SEMA6D: variants seen among roughly 807,000 people sequenced by gnomAD.
SEMA6D encodes semaphorin-6D.
A neutral mutation model predicts 106.6 loss-of-function variants in SEMA6D; 35 were observed. The observed-to-expected ratio is 0.33, with a 90% confidence interval of 0.25 to 0.44. SEMA6D has a LOEUF of 0.44. Among genes scored for constraint, SEMA6D ranks in the 20% least tolerant of loss-of-function variants. The pLI is 1.00. For missense variants in SEMA6D, 1,185 were observed against 1,345.9 expected, an observed-to-expected ratio of 0.88 and a Z score of 1.87; for synonymous variants, 499 against 487.7, an observed-to-expected ratio of 1.02 and a Z score of -0.31.
chr15:47,534,358 T>A (rs551721141), intron 3 of SEMA6D, among the ~76,000 whole-genome samples: 2 of 151,844 alleles, frequency 1.3e-5, no homozygotes, highest in Non-Finnish European at 2.9e-5. Flanking sequence ...TTTTTTTATA[T>A]GTTTAGTAGA....
intron 1 of SEMA6D, among the ~76,000 whole-genome samples, chr15:47,384,820 T>TTTTTTTG (rs2039766038): frequency 1.3e-5 from 1 of 76,786 alleles, no homozygotes; most frequent in Non-Finnish European, 2.5e-5. Context: ...TAAAGTTTTT[T>TTTTTTTG]TTTTTTTTTT....
chr15:47,577,989 G>T (rs1865647), intron 3 of SEMA6D, among the ~76,000 whole-genome samples: 111,528 of 152,200 alleles, frequency 0.73, 41,377 homozygotes, highest in African/African-American at 0.84. Flanking sequence ...AATTTGTGGA[G>T]ACCTTTATAG....
At chr15:47,308,096 G>A (rs184775062) in intron 1 of SEMA6D, among the ~76,000 whole-genome samples, 8 of 151,432 alleles carry the variant, frequency 5.3e-5, no homozygotes, top group Admixed American at 6.6e-5. Flanking sequence ...GTACATTTCA[G>A]GGTATATTTT....
At chr15:47,199,233 G>A (rs1436232674) in intron 1 of SEMA6D, among the ~76,000 whole-genome samples, 2 of 152,162 alleles carry the variant, frequency 1.3e-5, no homozygotes, top group Non-Finnish European at 2.9e-5. Context: ...TTATATTAAG[G>A]TGCAGAAGAA....
At chr15:47,275,859 G>C (rs8041852) in intron 1 of SEMA6D, among the ~76,000 whole-genome samples, 3,338 of 152,202 alleles carry the variant, frequency 0.022, 123 homozygotes, top group African/African-American at 0.076. Context: ...CGAAAGCAAG[G>C]CCTCTTGTAC....
intron 1 of SEMA6D, among the ~76,000 whole-genome samples, chr15:47,318,458 C>G (rs1283731335): frequency 7.2e-6 from 1 of 139,452 alleles, no homozygotes; most frequent in Non-Finnish European, 1.5e-5. Context: ...TGATGTTCCC[C>G]TTCGTGTGTC....
intron 15 of SEMA6D, 30 bp from the exon 16 acceptor site, chr15:47,766,586 C>A (rs762793507): frequency 1.2e-6 from 2 of 1,610,612 alleles, no homozygotes; most frequent in South Asian, 2.2e-5. Flanking sequence ...GGCTGTTAAC[C>A]GAAGACTTCT....
chr15:47,218,392 A>T (rs370238864), intron 1 of SEMA6D, among the ~76,000 whole-genome samples: 1 of 152,036 alleles, frequency 6.6e-6, no homozygotes, highest in East Asian at 1.9e-4. Context: ...CAACCCTATT[A>T]TGGGTTGAAT....
chr15:47,767,486 A>G lies in SEMA6D; in HGVS notation c.1765+393A>G, dbSNP rs1308553640. On this transcript the variant is annotated intron_variant, in intron 17 of 18. Coordinates refer to ENST00000536845, the MANE Select transcript of SEMA6D (RefSeq NM_001358351.3). ...CTCCTCACCTTTCCTATGACCTAGTAAACAAATACACATTTCCCATAAATG... is the reference window on the plus strand; with the variant it reads ...CTCCTCACCTTTCCTATGACCTAGTGAACAAATACACATTTCCCATAAATG... 3 of 158,506 alleles carry G rather than the reference A, an allele frequency of 1.9e-5. No homozygotes were observed. In the East Asian group the frequency reaches 5.4e-4, roughly 28 times the overall value. The allele number at this position is 158,506 out of a possible 1,614,324, so 9.8% of individuals were successfully genotyped here.
At position 47,770,997 on chromosome 15, in the gene SEMA6D, A is replaced by G. The variant is rs1483806899; in HGVS notation, c.2434A>G (p.Ser812Gly). 1.2e-6 allele frequency: 2 copies of G among 1,614,116 alleles called. No individual in the cohort carries two copies. Residue 812 changes from serine (S) to glycine (G), a missense_variant, in exon 19 of 19, where the codon AGT becomes GGT. Around this residue, in one of 3 missense-constraint regions of SEMA6D, gnomAD observed 750 missense variants for 783.5 expected, o/e 0.96. Coordinates refer to ENST00000536845, the MANE Select transcript of SEMA6D (RefSeq NM_001358351.3). ...RKETPQFFPSSPPPHSPLSHG... is the reference protein window; with the variant it reads ...RKETPQFFPSGPPPHSPLSHG... Reference sequence around the variant, plus strand: ...AGAAACCCCTCAGTTTTTTCCGTCTAGTCCGCCACCTCATTCCCCATTAAG... The same window carrying G: ...AGAAACCCCTCAGTTTTTTCCGTCTGGTCCGCCACCTCATTCCCCATTAAG...
At chr15:47,400,557 T>G (rs760257656) in intron 1 of SEMA6D, among the ~76,000 whole-genome samples, 5 of 151,982 alleles carry the variant, frequency 3.3e-5, no homozygotes, top group Admixed American at 3.3e-4. Flanking sequence ...AGGCAGGCAT[T>G]ATTCCCATTT....
At chr15:47,336,551 A>G (rs2037564345) in intron 1 of SEMA6D, among the ~76,000 whole-genome samples, 2 of 152,114 alleles carry the variant, frequency 1.3e-5, no homozygotes, top group Admixed American at 1.3e-4. Flanking sequence ...AACTGAAGCT[A>G]CCCCTATGAT....
At chr15:47,495,571 A>T (rs922598470) in intron 3 of SEMA6D, among the ~76,000 whole-genome samples, 67 of 152,014 alleles carry the variant, frequency 4.4e-4, no homozygotes, top group African/African-American at 1.6e-3. Flanking sequence ...GGGAAACATT[A>T]AAAAAAGAGA....
intron 1 of SEMA6D, among the ~76,000 whole-genome samples, chr15:47,211,816 G>A (rs2030041471): frequency 6.6e-6 from 1 of 152,070 alleles, no homozygotes; most frequent in African/African-American, 2.4e-5. Context: ...GCCAAGGATT[G>A]GGTTAGATGG....
chr15:47,455,381 A>G (rs1044403686), intron 2 of SEMA6D, among the ~76,000 whole-genome samples: 2 of 151,944 alleles, frequency 1.3e-5, no homozygotes, highest in Non-Finnish European at 1.5e-5. Flanking sequence ...CTTCTTTTTT[A>G]GTTTTTATTT....
intron 3 of SEMA6D, among the ~76,000 whole-genome samples, chr15:47,484,873 G>A (rs773180888): frequency 2.6e-5 from 4 of 152,136 alleles, no homozygotes; most frequent in South Asian, 2.1e-4. Context: ...ACAGTTGTGG[G>A]GATTGGAGAA....
chr15:47,552,823 T>TA (rs1243289064), intron 3 of SEMA6D, among the ~76,000 whole-genome samples: 4 of 54,198 alleles, frequency 7.4e-5, no homozygotes, highest in Non-Finnish European at 1.2e-4. Flanking sequence ...TATAAATATA[T>TA]ATATTTTTAT....
At chr15:47,316,670 G>C (rs888989214) in intron 1 of SEMA6D, among the ~76,000 whole-genome samples, 1 of 143,108 alleles carries the variant, frequency 7.0e-6, no homozygotes, top group African/African-American at 2.6e-5. Flanking sequence ...TCTATCTGCT[G>C]ATATGGTCAT....
chr15:47,747,808 T>G (rs1343472901), intron 1 of SEMA6D, among the ~76,000 whole-genome samples: 1 of 152,186 alleles, frequency 6.6e-6, no homozygotes, highest in Non-Finnish European at 1.5e-5. Context: ...AATTTATAAC[T>G]AGAAAAAAGG....
Sources: allele counts gnomAD v4.1 joint callset (sites outside exome capture counted in the v4.1 genomes callset), GRCh38; gene constraint gnomAD v4.1.1; regional missense constraint gnomAD v4.1.1; transcripts MANE v1.5; gene names NCBI Gene and HGNC (gene_info 2026-07-23, HGNC 2026-07-21).